Variants in GALNT13 observed in about 807,000 individuals in gnomAD.
The protein encoded by GALNT13 is UDP-GalNAc:polypeptide N-acetylgalactosaminyltransferase 13.
Under a neutral mutation model 64.2 loss-of-function variants are expected in GALNT13, and 28 were observed. That is an observed-to-expected ratio of 0.44 (90% CI 0.32 to 0.60). The LOEUF (loss-of-function observed/expected upper bound fraction) is 0.60, where lower values mean the gene tolerates loss of function less well. Among genes scored for constraint, GALNT13 ranks in the 20% least tolerant of loss-of-function variants. The probability of loss-of-function intolerance (pLI) is 0.05; values close to 1 mark genes in which losing one functional copy is unlikely to be tolerated. For synonymous variants in GALNT13, 214 were observed against 224.6 expected (o/e 0.95, Z 0.42); for missense variants, 577 against 669.8 (o/e 0.86, Z 1.53).
chr2:154,115,602 G>A (rs1391284962), intron 3 of GALNT13, among the ~76,000 whole-genome samples: 1 of 151,972 alleles, frequency 6.6e-6, no homozygotes, highest in East Asian at 1.9e-4. Context: ...TGTATTTTTA[G>A]TAGAGATGAT....
At chr2:153,227,872 T>C in the GALNT13 span, among the ~76,000 whole-genome samples, 1 of 152,354 alleles carries the variant, frequency 6.6e-6, no homozygotes, top group East Asian at 1.9e-4. Flanking sequence ...TGTTGGCTCA[T>C]GTAGAATAAA....
At chr2:153,273,314 A>C in the GALNT13 span, among the ~76,000 whole-genome samples, 4 of 152,188 alleles carry the variant, frequency 2.6e-5, no homozygotes, top group African/African-American at 9.7e-5. Context: ...AATGTAAAAG[A>C]AAAGAGGAAT....
At chr2:153,627,487 A>G in the GALNT13 span, among the ~76,000 whole-genome samples, 1 of 152,098 alleles carries the variant, frequency 6.6e-6, no homozygotes, top group Non-Finnish European at 1.5e-5. Context: ...GATTTATTTA[A>G]TTGCTATATT....
chr2:154,063,017 G>T (rs1271910776), intron 3 of GALNT13, among the ~76,000 whole-genome samples: 1 of 151,780 alleles, frequency 6.6e-6, no homozygotes, highest in Non-Finnish European at 1.5e-5. Flanking sequence ...ATTCTTTTTT[G>T]TTATTGTTGC....
At chr2:153,481,090 T>C in the GALNT13 span, among the ~76,000 whole-genome samples, 1 of 152,172 alleles carries the variant, frequency 6.6e-6, no homozygotes, top group East Asian at 1.9e-4. Context: ...AGTCACAAAA[T>C]TGTTGACAAG....
At chr2:153,273,128 AG>A in the GALNT13 span, among the ~76,000 whole-genome samples, 2 of 151,134 alleles carry the variant, frequency 1.3e-5, no homozygotes, top group Non-Finnish European at 2.9e-5. Flanking sequence ...GGGGCCTGTC[AG>A]GGGGTGAGGG....
At chr2:154,116,338 G>C (rs1283681673) in intron 3 of GALNT13, among the ~76,000 whole-genome samples, 1 of 152,162 alleles carries the variant, frequency 6.6e-6, no homozygotes, top group Non-Finnish European at 1.5e-5. Flanking sequence ...TGGTGAGGCT[G>C]TGCATGCACC....
the GALNT13 span, among the ~76,000 whole-genome samples, chr2:153,776,683 G>GT: frequency 6.6e-6 from 1 of 152,080 alleles, no homozygotes; most frequent in Non-Finnish European, 1.5e-5. Context: ...TAAAGTGAAT[G>GT]TTTTTTAAAA....
chr2:153,984,487 A>C (rs535235453), intron 3 of GALNT13, among the ~76,000 whole-genome samples: 1 of 151,784 alleles, frequency 6.6e-6, no homozygotes, highest in Non-Finnish European at 1.5e-5. Context: ...TTATTTAAAT[A>C]TTATTGGAAT....
At chr2:153,563,591 A>G in the GALNT13 span, among the ~76,000 whole-genome samples, 1 of 152,114 alleles carries the variant, frequency 6.6e-6, no homozygotes, top group Admixed American at 6.6e-5. Context: ...TTGTAATTAT[A>G]AAGTATTAAT....
the GALNT13 span, among the ~76,000 whole-genome samples, chr2:153,215,145 C>T: frequency 1.3e-5 from 2 of 152,110 alleles, no homozygotes; most frequent in Admixed American, 1.3e-4. Context: ...TTAATTGATT[C>T]ATATAATTTG....
At chr2:154,280,968 A>G (rs1422998090) in intron 8 of GALNT13, among the ~76,000 whole-genome samples, 1 of 152,228 alleles carries the variant, frequency 6.6e-6, no homozygotes, top group Non-Finnish European at 1.5e-5. Context: ...AGGCTTAATT[A>G]TACAACGAGG....
the GALNT13 span, among the ~76,000 whole-genome samples, chr2:153,665,738 G>A: frequency 1.3e-5 from 2 of 152,246 alleles, no homozygotes; most frequent in South Asian, 2.1e-4. Flanking sequence ...GGGAAGGGTT[G>A]AGTTAGACAG....
the GALNT13 span, among the ~76,000 whole-genome samples, chr2:153,259,805 A>G: frequency 6.6e-6 from 1 of 152,206 alleles, no homozygotes; most frequent in Non-Finnish European, 1.5e-5. Flanking sequence ...TCATAGCAGT[A>G]TGAAAATTAT....
the GALNT13 span, among the ~76,000 whole-genome samples, chr2:153,144,985 CATT>C: frequency 6.6e-6 from 1 of 151,668 alleles, no homozygotes; most frequent in African/African-American, 2.4e-5. Context: ...ATGTACTAGC[CATT>C]ATTCTTATAA....
intron 2 of GALNT13, among the ~76,000 whole-genome samples, chr2:153,940,801 C>A (rs12693874): frequency 0.2 from 30,774 of 152,084 alleles, 4,070 homozygotes; most frequent in Middle Eastern, 0.33. Flanking sequence ...GATCCCTTGG[C>A]AGCCTCAAGG....
At chr2:153,656,485 A>T in the GALNT13 span, among the ~76,000 whole-genome samples, 1 of 152,142 alleles carries the variant, frequency 6.6e-6, no homozygotes, top group African/African-American at 2.4e-5. Context: ...CAACTATTTT[A>T]TCTGTTTCTC....
At chr2:153,118,629 G>C in the GALNT13 span, among the ~76,000 whole-genome samples, 5 of 151,994 alleles carry the variant, frequency 3.3e-5, no homozygotes, top group African/African-American at 7.3e-5. Context: ...TGGCATAAAG[G>C]CTCAATAAAT....
At chr2:154,034,670 G>A (rs1393215233) in intron 3 of GALNT13, among the ~76,000 whole-genome samples, 4 of 152,154 alleles carry the variant, frequency 2.6e-5, no homozygotes, top group Admixed American at 2.6e-4. Flanking sequence ...GTTTAGTTCC[G>A]ACTTATAAGT....
Sources: gnomAD v4.1 joint callset for allele counts (sites outside exome capture counted in the v4.1 genomes callset) on GRCh38, gnomAD v4.1.1 for gene constraint, MANE v1.5 for transcripts, NCBI Gene and HGNC (gene_info 2026-07-23, HGNC 2026-07-21) for gene names.